The following C14orf39 variants were observed in gnomAD, a reference collection of about 807,000 sequenced individuals.
C14orf39 encodes the protein chromosome 14 open reading frame 39.
Under a neutral mutation model 85.6 loss-of-function variants are expected in C14orf39, and 66 were observed. That is an observed-to-expected ratio of 0.77 (90% confidence interval 0.63 to 0.95). C14orf39 has a LOEUF of 0.95. Ranked by LOEUF, C14orf39 falls within the 40% of genes least tolerant of loss-of-function variation. C14orf39 has a pLI of 0.00. For missense variants in C14orf39, 735 were observed against 663.9 expected, an observed-to-expected ratio of 1.11 and a Z score of -1.18; for synonymous variants, 242 against 214.0, an observed-to-expected ratio of 1.13 and a Z score of -1.14.
chr14:60,441,477 A>G (rs1218504954), intron 17 of C14orf39, among the ~76,000 whole-genome samples: 2 of 152,186 alleles, frequency 1.3e-5, no homozygotes, highest in Non-Finnish European at 2.9e-5. Flanking sequence ...AAATCATAAT[A>G]TGTGAGTCTG....
Position 60,443,175 on chromosome 14 carries a change from C to G in C14orf39, c.1504-1044G>C, listed in dbSNP as rs1216762907. Among the ~76,000 whole-genome samples the G allele has an allele frequency of 2.6e-5, 4 of 152,288 alleles. No individual in the cohort carries two copies. The East Asian group carries it at 7.7e-4, about 29-fold the overall frequency. On this transcript the variant is annotated intron_variant, in intron 16 of 17. Coordinates refer to ENST00000321731, the MANE Select transcript of C14orf39 (RefSeq NM_174978.3). ...GTTCATCTCAATGGGACTGGTTGGA[C>G]AGTGGGTGCAGCCCACAGAGGGTGA...
At chr14:60,509,665 G>C (rs1893260616) in intron 1 of C14orf39, 1 of 1,613,824 alleles carries the variant, frequency 6.2e-7, no homozygotes, top group Non-Finnish European at 8.5e-7. Context: ...AGCTGCAGGC[G>C]CTGTGGCTTG....
intron 12 of C14orf39, 27 bp from the exon 13 acceptor site, chr14:60,461,439 T>C (rs371450864): frequency 1.8e-5 from 29 of 1,589,268 alleles, no homozygotes; most frequent in Non-Finnish European, 9.4e-6. Flanking sequence ...ATAATTTTTG[T>C]ATTTTTTCTG....
Position 60,469,536 on chromosome 14 carries a change from G to T in C14orf39, c.672C>A (p.Asn224Lys), listed in dbSNP as rs146480248. 20 of 1,346,726 alleles carry T rather than the reference G, an allele frequency of 1.5e-5. No individual in the cohort carries two copies. The highest frequency in any genetic ancestry group is 2.0e-5 in the Non-Finnish European group (20 of 987,082). The allele number at this position is 1,346,726 out of a possible 1,614,324, so 83.4% of individuals were successfully genotyped here. A position where few individuals can be genotyped will look rare whatever the true frequency, so the allele number is the denominator to read the frequency against. Residue 224 changes from asparagine (N) to lysine (K), a missense_variant, in exon 8 of 18, where the codon AAC becomes AAA. Asn to Lys is a moderately conservative substitution (Grantham distance 94). Coordinates refer to ENST00000321731, the MANE Select transcript of C14orf39 (RefSeq NM_174978.3). Reference protein sequence around the residue: ...DEMEIEINYLNQQISRHNETK... With the variant: ...DEMEIEINYLKQQISRHNETK... ...AAATATATAACAAAATATATACCTG[G>T]TTTAAATAATTAATTTCTATTTCCA... is the stretch of plus-strand genomic sequence containing the variant.
Position 60,484,021 on chromosome 14 carries a change from A to T in C14orf39, c.107-204T>A, listed in dbSNP as rs17097488. Among the ~76,000 whole-genome samples the T allele has an allele frequency of 0.036, 5,427 of 152,282 alleles. 127 individuals carry two copies. The highest frequency in any genetic ancestry group is 0.065 in the Middle Eastern group (19 of 294). On this transcript the variant is annotated intron_variant, in intron 3 of 17. Coordinates refer to ENST00000321731, the MANE Select transcript of C14orf39 (RefSeq NM_174978.3). The surrounding 1 kb of genome is among the most constrained non-coding windows in gnomAD (Gnocchi z 4.2). ...CTGATCCTAGAGCCAGAAGCTAAGA[A>T]GATTTTCAGTTTGGGAATGATGAAA...
intron 4 of C14orf39, 95 bp from the exon 5 acceptor site, chr14:60,478,484 C>T (rs372526055): frequency 3.6e-5 from 23 of 632,686 alleles, no homozygotes; most frequent in East Asian, 2.1e-4. Flanking sequence ...TAAAGAGAAA[C>T]GAATCTTTCT....
intron 1 of C14orf39, among the ~76,000 whole-genome samples, chr14:60,507,602 T>C (rs1347162156): frequency 2.0e-5 from 3 of 152,204 alleles, no homozygotes; most frequent in South Asian, 2.1e-4. Flanking sequence ...TCGAGTGAAC[T>C]GTGAAGATCT....
chr14:60,511,369 A>G (rs1594632523), intron 1 of C14orf39: 1 of 1,277,508 alleles, frequency 7.8e-7, no homozygotes. Context: ...CCAGGTGACC[A>G]GGGACCCGCG....
chr14:60,458,662 CA>C lies in C14orf39; in HGVS notation c.1179+15del, dbSNP rs1250806036. 12 of 1,572,264 alleles carry C rather than the reference CA, an allele frequency of 7.6e-6. No homozygotes were observed. The highest frequency in any genetic ancestry group is 1.0e-5 in the Non-Finnish European group (12 of 1,152,476). On this transcript the variant is annotated intron_variant, in intron 14 of 17. Coordinates refer to ENST00000321731, the MANE Select transcript of C14orf39 (RefSeq NM_174978.3). ...GAATTTTTGCTTAGAAATTAGAGAT[CA>C]AACATTTGACTTACTTGTGAAGTAC...
intron 5 of C14orf39, among the ~76,000 whole-genome samples, chr14:60,473,832 A>G (rs999413398): frequency 6.6e-6 from 1 of 152,140 alleles, no homozygotes; most frequent in Non-Finnish European, 1.5e-5. Flanking sequence ...GAAGTCAGGT[A>G]GTGTGATGCC....
intron 13 of C14orf39, 149 bp from the exon 14 acceptor site, chr14:60,458,888 A>G (rs1447677676): frequency 1.8e-6 from 1 of 556,846 alleles, no homozygotes; most frequent in Non-Finnish European, 3.1e-6. Flanking sequence ...CATACAGATA[A>G]GAGAATAAAA....
chr14:60,466,313 A>T (rs967662171), intron 10 of C14orf39, among the ~76,000 whole-genome samples: 1 of 152,028 alleles, frequency 6.6e-6, no homozygotes, highest in Non-Finnish European at 1.5e-5. Flanking sequence ...CAAAGAAGAC[A>T]GAGTGGTTGA....
intron 13 of C14orf39, 98 bp downstream of exon 13, chr14:60,461,256 G>A (rs753947466): frequency 2.8e-5 from 28 of 986,872 alleles, no homozygotes; most frequent in Non-Finnish European, 4.2e-5. Flanking sequence ...CAGTTAACCA[G>A]AGATGCAAAT....
At chr14:60,504,827 C>T (rs1307948528) in intron 1 of C14orf39, among the ~76,000 whole-genome samples, 1 of 152,100 alleles carries the variant, frequency 6.6e-6, no homozygotes, top group Non-Finnish European at 1.5e-5. Flanking sequence ...AATTTTTATC[C>T]AAGTGCCTAG....
At chr14:60,440,966 C>G (rs1890482732) in intron 17 of C14orf39, among the ~76,000 whole-genome samples, 1 of 152,138 alleles carries the variant, frequency 6.6e-6, no homozygotes, top group Admixed American at 6.5e-5. Flanking sequence ...CGGCAATCAC[C>G]TTCCCAATCC....
chr14:60,486,136 T>C (rs1380532113), upstream of C14orf39: 2 of 151,280 alleles, frequency 1.3e-5, no homozygotes, highest in African/African-American at 2.4e-5. Flanking sequence ...GAGCCGCAGA[T>C]CGCGCTGAAG....
chr14:60,459,814 C>T (rs1319373215), intron 13 of C14orf39, among the ~76,000 whole-genome samples: 1 of 151,608 alleles, frequency 6.6e-6, no homozygotes, highest in Non-Finnish European at 1.5e-5. Flanking sequence ...GGGTTGTCTG[C>T]TTTTTTGTTC....
rs893406288 is a variant in C14orf39 at position 60,491,220 on chromosome 14, C to A, written c.-8-6134G>T. Among the ~76,000 whole-genome samples, 1 of 152,074 alleles carries A rather than the reference C, an allele frequency of 6.6e-6. No individual in the cohort carries two copies. The highest frequency in any genetic ancestry group is 2.4e-5 in the African/African-American group (1 of 41,372). ...GTTTTTGAGGTCAGTAAGTCCAACACTGAGGCACTGGCAGATTCAGTGTCT... is the reference window on the plus strand; with the variant it reads ...GTTTTTGAGGTCAGTAAGTCCAACAATGAGGCACTGGCAGATTCAGTGTCT... On this transcript the variant is annotated intron_variant, in intron 2 of 5. Coordinates refer to the C14orf39 transcript ENST00000556799. The surrounding 1 kb of genome is among the most constrained non-coding windows in gnomAD (Gnocchi z 4.5).
chr14:60,437,644 A>G (rs1249631605), intron 17 of C14orf39, among the ~76,000 whole-genome samples: 4 of 152,040 alleles, frequency 2.6e-5, no homozygotes, highest in African/African-American at 9.7e-5. Context: ...CCAAAATAAA[A>G]TAAAAGTCTA....
Sources: allele counts gnomAD v4.1 joint callset (sites outside exome capture counted in the v4.1 genomes callset), GRCh38; gene constraint gnomAD v4.1.1; non-coding constraint Gnocchi (gnomAD v3.1); transcripts MANE v1.5; gene names NCBI Gene and HGNC (gene_info 2026-07-23, HGNC 2026-07-21).